Variants in EDARADD observed in about 807,000 individuals in gnomAD.
EDARADD encodes EDAR associated via death domain, also known as ectodysplasin-A receptor-associated adapter protein.
EDARADD carries 20 observed loss-of-function variants against 25.6 expected under a neutral mutation model. The ratio of observed to expected loss-of-function variants is 0.78; its 90% CI spans 0.55 to 1.14. The LOEUF (loss-of-function observed/expected upper bound fraction) is 1.14, where lower values mean the gene tolerates loss of function less well. EDARADD is among the 50% of genes most tolerant of loss of function. The probability of loss-of-function intolerance (pLI) is 0.00; values close to 1 mark genes in which losing one functional copy is unlikely to be tolerated. For synonymous variants in EDARADD, 86 were observed against 94.4 expected (o/e 0.91, Z 0.52); for missense variants, 225 against 270.1 (o/e 0.83, Z 1.17).
chr1:236,482,759 T>C lies in EDARADD; in HGVS notation c.*110T>C, dbSNP rs1241815866. On this transcript the variant is annotated 3_prime_UTR_variant, in exon 6 of 6. Transcript: ENST00000334232. ...AGTTTAGGACAAGGACGTGGAACAGTGGACACTGGTTTTCCCCAAAGCTGG... is the reference window on the plus strand; with the variant it reads ...AGTTTAGGACAAGGACGTGGAACAGCGGACACTGGTTTTCCCCAAAGCTGG... The C allele has an allele frequency of 1.3e-6, 2 of 1,524,772 alleles. No individual in the cohort carries two copies. Among genetic ancestry groups the C allele is most frequent in the Non-Finnish European group, 8.9e-7 (1 of 1,120,046 alleles). The allele number at this position is 1,524,772 out of a possible 1,614,324, so 94.5% of individuals were successfully genotyped here. A position where few individuals can be genotyped will look rare whatever the true frequency, so the allele number is the denominator to read the frequency against.
intron 2 of EDARADD, among the ~76,000 whole-genome samples, chr1:236,410,309 A>G (rs1396434140): frequency 6.8e-6 from 1 of 148,020 alleles, no homozygotes; most frequent in Non-Finnish European, 1.5e-5. Flanking sequence ...ATGGGTACCC[A>G]TTCTTTAGCT....
intron 4 of EDARADD, among the ~76,000 whole-genome samples, chr1:236,453,963 T>C (rs544180473): frequency 6.6e-6 from 1 of 151,174 alleles, no homozygotes; most frequent in Non-Finnish European, 1.5e-5. Flanking sequence ...ACCCAATACA[T>C]AGTGACTAGT....
chr1:236,419,175 C>A (rs934801821), intron 3 of EDARADD, among the ~76,000 whole-genome samples: 2 of 152,046 alleles, frequency 1.3e-5, no homozygotes, highest in Non-Finnish European at 2.9e-5. Context: ...CCACTTGAGA[C>A]TAGGAGTTTC....
chr1:236,354,264 G>T (rs1442624930), intron 3 of EDARADD, among the ~76,000 whole-genome samples: 2 of 152,150 alleles, frequency 1.3e-5, no homozygotes, highest in East Asian at 1.9e-4. Flanking sequence ...AAAGTGCCAG[G>T]ATAAACCCAG....
chr1:236,390,482 G>A (rs1667408721), upstream of EDARADD, among the ~76,000 whole-genome samples: 1 of 152,172 alleles, frequency 6.6e-6, no homozygotes, highest in Non-Finnish European at 1.5e-5. Flanking sequence ...GAACCTGGTA[G>A]GCGGAGCTTG....
At chr1:236,356,881 C>T (rs1410866742) in intron 3 of EDARADD, among the ~76,000 whole-genome samples, 9 of 151,942 alleles carry the variant, frequency 5.9e-5, no homozygotes, top group Admixed American at 1.3e-4. Context: ...GTCAGGAGTT[C>T]GAGACCAGCC....
intron 3 of EDARADD, among the ~76,000 whole-genome samples, chr1:236,362,599 T>C (rs1317927262): frequency 6.6e-6 from 1 of 152,198 alleles, no homozygotes; most frequent in East Asian, 1.9e-4. Context: ...ATTCCACTTT[T>C]GGTGTTGTAC....
intron 5 of EDARADD, among the ~76,000 whole-genome samples, chr1:236,469,708 C>T (rs554336024): frequency 2.0e-5 from 3 of 152,030 alleles, no homozygotes; most frequent in East Asian, 1.9e-4. Context: ...CTTAGAAACA[C>T]GATATTAGAA....
intron 2 of EDARADD, among the ~76,000 whole-genome samples, chr1:236,412,433 T>C (rs1354769128): frequency 6.6e-6 from 1 of 152,190 alleles, no homozygotes; most frequent in Non-Finnish European, 1.5e-5. Context: ...GCAAGGCAGG[T>C]AGCAAGTTTC....
At chr1:236,414,616 G>T (rs1657586343) in intron 3 of EDARADD, among the ~76,000 whole-genome samples, 1 of 152,152 alleles carries the variant, frequency 6.6e-6, no homozygotes, top group South Asian at 2.1e-4. Context: ...CAAAGGGAGA[G>T]AAATCTAACA....
chr1:236,405,725 T>TTTTCTTTCTTTC (rs1227603633), intron 1 of EDARADD, among the ~76,000 whole-genome samples: 189 of 120,538 alleles, frequency 1.6e-3, no homozygotes, highest in East Asian at 8.8e-3. Flanking sequence ...CTTCCTTTCT[T>TTTTCTTTCTTTC]TTTCTTTCTT....
chr1:236,479,280 G>A (rs1355775751), intron 5 of EDARADD, among the ~76,000 whole-genome samples: 1 of 151,914 alleles, frequency 6.6e-6, no homozygotes, highest in African/African-American at 2.4e-5. Flanking sequence ...AGGATCACTT[G>A]AGCCCAGTAG....
At chr1:236,414,076 CTTGAT>C (rs1369624863) in intron 2 of EDARADD, among the ~76,000 whole-genome samples, 179 bp from the exon 3 acceptor site, 1 of 152,228 alleles carries the variant, frequency 6.6e-6, no homozygotes, top group Non-Finnish European at 1.5e-5. Context: ...TCTTGTCAAC[CTTGAT>C]TTCATTCCTG....
chr1:236,447,182 TTC>T (rs1558127367), intron 4 of EDARADD, among the ~76,000 whole-genome samples: 1 of 67,368 alleles, frequency 1.5e-5, no homozygotes, highest in African/African-American at 6.9e-5. Flanking sequence ...CTTTCTTTCT[TTC>T]TTTCTTTCTT....
intron 3 of EDARADD, among the ~76,000 whole-genome samples, chr1:236,368,342 A>C (rs1433034124): frequency 6.6e-6 from 1 of 150,992 alleles, no homozygotes; most frequent in Non-Finnish European, 1.5e-5. Context: ...GCCAAGTGTT[A>C]TTTAGCTATT....
At chr1:236,350,829 A>G (rs1314418628) in exon 3 of EDARADD, 2 of 152,310 alleles carry the variant, frequency 1.3e-5, no homozygotes, top group South Asian at 2.1e-4. Context: ...ACCTGGGGTC[A>G]ATTGTTTAAG....
At chr1:236,408,361 C>T (rs1022557441) in intron 1 of EDARADD, among the ~76,000 whole-genome samples, 4 of 151,958 alleles carry the variant, frequency 2.6e-5, no homozygotes, top group Non-Finnish European at 4.4e-5. Context: ...CACCACTATG[C>T]GAGGCTAATT....
intron 3 of EDARADD, among the ~76,000 whole-genome samples, chr1:236,421,655 G>A (rs1390332710): frequency 2.0e-5 from 3 of 151,708 alleles, no homozygotes; most frequent in African/African-American, 4.8e-5. Context: ...CCGCCACCAC[G>A]CCTGGCTAAG....
intron 2 of EDARADD, among the ~76,000 whole-genome samples, chr1:236,413,826 C>G (rs16833650): frequency 2.0e-5 from 3 of 152,234 alleles, no homozygotes; most frequent in Middle Eastern, 6.8e-3. Flanking sequence ...CTGTCTCAGT[C>G]GACCCAGGCC....
Sources: gnomAD v4.1 joint callset for allele counts (sites outside exome capture counted in the v4.1 genomes callset) on GRCh38, gnomAD v4.1.1 for gene constraint, MANE v1.5 for transcripts, NCBI Gene and HGNC (gene_info 2026-07-23, HGNC 2026-07-21) for gene names.